ERBB4: variants seen among roughly 807,000 people sequenced by gnomAD.
ERBB4 encodes receptor tyrosine-protein kinase erbB-4.
In ERBB4, 42 loss-of-function variants were observed where a neutral mutation model predicts 158.0. That is an observed-to-expected ratio of 0.27 (90% CI 0.21 to 0.34). The LOEUF (loss-of-function observed/expected upper bound fraction) is 0.34, where lower values mean the gene tolerates loss of function less well. Among genes scored for constraint, ERBB4 ranks in the 10% least tolerant of loss-of-function variants. The pLI, the probability that ERBB4 is intolerant of heterozygous loss-of-function variation, is 1.00. For missense variants in ERBB4, 1,333 were observed against 1,624.1 expected (o/e 0.82, Z 3.08); for synonymous variants, 583 against 558.7 (o/e 1.04, Z -0.61).
intron 20 of ERBB4, among the ~76,000 whole-genome samples, chr2:211,548,951 T>C (rs2067011012): frequency 6.6e-6 from 1 of 152,156 alleles, no homozygotes; most frequent in Non-Finnish European, 1.5e-5. Context: ...TAGACTCTGC[T>C]AATCATTTTT....
chr2:211,458,556 C>T (rs893422043), intron 20 of ERBB4, among the ~76,000 whole-genome samples: 21 of 152,166 alleles, frequency 1.4e-4, no homozygotes, highest in Admixed American at 3.9e-4. Context: ...CGATCCACCA[C>T]GCCTGGCCAA....
intron 1 of ERBB4, among the ~76,000 whole-genome samples, chr2:212,326,159 G>C (rs908846343): frequency 5.3e-5 from 8 of 150,544 alleles, no homozygotes; most frequent in African/African-American, 1.9e-4. Flanking sequence ...GAAAAATGCT[G>C]TTGAAGAAAT....
intron 3 of ERBB4, among the ~76,000 whole-genome samples, chr2:211,910,303 T>C (rs887866032): frequency 2.0e-5 from 3 of 151,296 alleles, no homozygotes; most frequent in Non-Finnish European, 4.4e-5. Flanking sequence ...AATAGTTTTA[T>C]CTTTCTCACT....
chr2:212,263,099 G>T (rs968586646), intron 1 of ERBB4, among the ~76,000 whole-genome samples: 1 of 152,098 alleles, frequency 6.6e-6, no homozygotes, highest in Non-Finnish European at 1.5e-5. Context: ...TAAGGAGAAG[G>T]CTGCATGAAG....
At chr2:211,705,790 A>C (rs567702745) in intron 9 of ERBB4, among the ~76,000 whole-genome samples, 1 of 152,348 alleles carries the variant, frequency 6.6e-6, no homozygotes, top group East Asian at 1.9e-4. Context: ...TCCGCTCCTC[A>C]AAGAAGTATA....
chr2:211,887,550 T>C (rs980561671), intron 3 of ERBB4, among the ~76,000 whole-genome samples: 2 of 152,202 alleles, frequency 1.3e-5, no homozygotes, highest in Non-Finnish European at 1.5e-5. Context: ...CACATCACTC[T>C]AATTCACCTT....
intron 3 of ERBB4, among the ~76,000 whole-genome samples, chr2:211,831,178 C>T (rs2077210394): frequency 6.6e-6 from 1 of 152,086 alleles, no homozygotes; most frequent in African/African-American, 2.4e-5. Context: ...TGTTTCAGTT[C>T]TTGTAAGACA....
intron 3 of ERBB4, among the ~76,000 whole-genome samples, chr2:211,904,328 GCTCT>G (rs899718424): frequency 6.6e-6 from 1 of 152,014 alleles, no homozygotes; most frequent in Non-Finnish European, 1.5e-5. Context: ...TTGAACAGTA[GCTCT>G]CTATCTCCAG....
intron 1 of ERBB4, among the ~76,000 whole-genome samples, chr2:212,402,385 G>T (rs1446532532): frequency 6.6e-6 from 1 of 152,072 alleles, no homozygotes; most frequent in East Asian, 1.9e-4. Flanking sequence ...TGTGGATGTG[G>T]TTATAAAAGG....
At chr2:211,490,353 T>C (rs1272700451) in intron 20 of ERBB4, among the ~76,000 whole-genome samples, 2 of 152,094 alleles carry the variant, frequency 1.3e-5, no homozygotes, top group African/African-American at 4.8e-5. Context: ...ATTGAATTTA[T>C]GCATTTTTTC....
At chr2:211,608,124 AGAGT>A (rs1311335609) in intron 19 of ERBB4, among the ~76,000 whole-genome samples, 1 of 152,090 alleles carries the variant, frequency 6.6e-6, no homozygotes, top group Non-Finnish European at 1.5e-5. Context: ...TCTGAGAGTA[AGAGT>A]GAGTAACATA....
At chr2:212,245,153 AAC>A (rs2084263049) in intron 1 of ERBB4, among the ~76,000 whole-genome samples, 1 of 152,184 alleles carries the variant, frequency 6.6e-6, no homozygotes. Context: ...TTATTAAGGA[AAC>A]ACACACTTAT....
At chr2:212,227,087 A>G (rs2083497037) in intron 1 of ERBB4, among the ~76,000 whole-genome samples, 1 of 151,992 alleles carries the variant, frequency 6.6e-6, no homozygotes, top group African/African-American at 2.4e-5. Context: ...CTCTACTAAA[A>G]ATACAAAAAT....
At chr2:211,891,177 G>A (rs1181948498) in intron 3 of ERBB4, among the ~76,000 whole-genome samples, 3 of 61,856 alleles carry the variant, frequency 4.8e-5, no homozygotes, top group South Asian at 6.4e-4. Flanking sequence ...CTCAGCAAAT[G>A]TAAAAGAACA....
At chr2:211,820,282 G>A (rs927998273) in intron 3 of ERBB4, among the ~76,000 whole-genome samples, 2 of 151,832 alleles carry the variant, frequency 1.3e-5, no homozygotes, top group Admixed American at 6.6e-5. Flanking sequence ...GAATGAAATA[G>A]TGTCTCTTCT....
rs115275800 is a variant in ERBB4 at position 211,838,289 on chromosome 2, T to C, written c.422-50130A>G. Among the ~76,000 whole-genome samples, 498 of 152,142 alleles carry C rather than the reference T, an allele frequency of 3.3e-3. 5 individuals carry two copies. Among genetic ancestry groups the C allele is most frequent in the African/African-American group, 0.011 (471 of 41,556 alleles). On this transcript the variant is annotated intron_variant, in intron 3 of 27. Coordinates refer to ENST00000342788, the MANE Select transcript of ERBB4 (RefSeq NM_005235.3). ...GGTATTTGATCCTATCTGAAAGTTA[T>C]CCAAGCTCTTGACTTCCAATAATCA...
At position 212,283,542 on chromosome 2, in the gene ERBB4, T is replaced by C. The variant is rs148443011; in HGVS notation, c.83-158639A>G. 5.2e-4 allele frequency among the ~76,000 whole-genome samples: 79 copies of C among 152,114 alleles called. 1 individual carries two copies. The South Asian group carries it at 0.016, about 31-fold the overall frequency. ...TGCAAAATAAGATATGTATCACCCC[T>C]TAGAGTTTGTTAAAACAATTTTAAA... On this transcript the variant is annotated intron_variant, in intron 1 of 27. Transcript: ENST00000342788.
At chr2:211,493,675 A>ACATAT (rs2065401501) in intron 20 of ERBB4, among the ~76,000 whole-genome samples, 1 of 151,480 alleles carries the variant, frequency 6.6e-6, no homozygotes, top group East Asian at 1.9e-4. Context: ...GATTTGAAAT[A>ACATAT]TATATTTTTT....
Position 211,865,746 on chromosome 2 carries a change from A to G in ERBB4, c.422-77587T>C, listed in dbSNP as rs1027703652. ...GATCAGCCATCCATTTGCTCAGACC[A>G]AAGAGTAAGAAGTCATTCCTATTTC... On this transcript the variant is annotated intron_variant, in intron 3 of 27. Coordinates refer to ENST00000342788, the MANE Select transcript of ERBB4 (RefSeq NM_005235.3). 3.3e-5 allele frequency among the ~76,000 whole-genome samples: 5 copies of G among 152,216 alleles called. No individual in the cohort carries two copies. The East Asian group carries it at 9.6e-4, about 29-fold the overall frequency.
Sources: allele counts gnomAD v4.1 joint callset (sites outside exome capture counted in the v4.1 genomes callset), GRCh38; gene constraint gnomAD v4.1.1; transcripts MANE v1.5; gene names NCBI Gene and HGNC (gene_info 2026-07-23, HGNC 2026-07-21).